PCDHGB5: variants seen among roughly 807,000 people sequenced by gnomAD.
PCDHGB5 encodes protocadherin gamma-B5.
In PCDHGB5, 48 loss-of-function variants were observed where a neutral mutation model predicts 62.9. That is an observed-to-expected ratio of 0.76 (90% confidence interval 0.61 to 0.97). The LOEUF (loss-of-function observed/expected upper bound fraction) is 0.97, where lower values mean the gene tolerates loss of function less well. PCDHGB5 is among the 50% of genes least tolerant of loss of function. The pLI is 0.00. For synonymous variants in PCDHGB5, 474 were observed against 511.2 expected (o/e 0.93, Z 0.98); for missense variants, 1,118 against 1,198.6 (o/e 0.93, Z 0.99).
chr5:141,473,079 A>G (rs1389177835), intron 1 of PCDHGB5, among the ~76,000 whole-genome samples: 2 of 152,086 alleles, frequency 1.3e-5, no homozygotes, highest in African/African-American at 4.8e-5. Flanking sequence ...ATCTTTGTTT[A>G]TTATCCACTG....
At chr5:141,404,360 TC>T (rs780435528) in intron 1 of PCDHGB5, 1 of 1,613,900 alleles carries the variant, frequency 6.2e-7, no homozygotes. Context: ...CAGAGGTACT[TC>T]CATCTTCTCC....
rs760095389 is a variant in PCDHGB5, at chr5:141,486,731, A to G, written c.2398-8076A>G. On this transcript the variant is annotated intron_variant, in intron 1 of 3. Transcript: ENST00000617380. The surrounding 1 kb of genome is among the most constrained non-coding windows in gnomAD (Gnocchi z 5.0). ...CCCCCAGACAGGAGCTGTTCATGCT[A>G]CTCGATCCTTTGACTATGAGCAAAC... The G allele has an allele frequency of 6.2e-7, 1 of 1,614,060 alleles. No individual in the cohort carries two copies. Among genetic ancestry groups the G allele is most frequent in the Non-Finnish European group, 8.5e-7 (1 of 1,180,012 alleles).
At chr5:141,411,161 A>G (rs2095470005) in intron 1 of PCDHGB5, 1 of 152,284 alleles carries the variant, frequency 6.6e-6, no homozygotes, top group Non-Finnish European at 1.5e-5. Context: ...AGTTCTGACT[A>G]TCGAACAGAA....
At chr5:141,436,829 G>C (rs1194891483) in intron 1 of PCDHGB5, among the ~76,000 whole-genome samples, 3 of 152,214 alleles carry the variant, frequency 2.0e-5, no homozygotes, top group African/African-American at 7.2e-5. Flanking sequence ...AAAATCTTAA[G>C]TGCCTAGGCA....
At chr5:141,464,024 G>A (rs2099074308) in intron 1 of PCDHGB5, among the ~76,000 whole-genome samples, 1 of 151,996 alleles carries the variant, frequency 6.6e-6, no homozygotes, top group East Asian at 1.9e-4. Context: ...CCACACTTTG[G>A]GAGGCCAAGG....
At chr5:141,413,080 A>G (rs2095603656) in intron 1 of PCDHGB5, 3 of 1,298,546 alleles carry the variant, frequency 2.3e-6, no homozygotes, top group Non-Finnish European at 3.2e-6. Context: ...TGCCCAGGCT[A>G]CAGAGACACC....
At position 141,432,003 on chromosome 5, in the gene PCDHGB5, T is replaced by A; in HGVS notation, c.2397+31479T>A. On this transcript the variant is annotated intron_variant, in intron 1 of 3. Coordinates refer to ENST00000617380, the MANE Select transcript of PCDHGB5 (RefSeq NM_018925.3). This position sits in a 1 kb window ranked among gnomAD's most constrained non-coding sequence, Gnocchi z 6.0. ...GACATAGTCTTGGATAGGGAACAGG[T>A]TCCTAGCTACAACATCACAGTGACC... The A allele has an allele frequency of 6.2e-7, 1 of 1,614,116 alleles. No individual in the cohort carries two copies.
intron 1 of PCDHGB5, chr5:141,422,865 C>G: frequency 1.2e-6 from 2 of 1,614,244 alleles, no homozygotes; most frequent in Non-Finnish European, 1.7e-6. Context: ...TCAGCAGCAA[C>G]GTGTCGCTGA....
At chr5:141,471,046 CTT>C (rs1170588345) in intron 1 of PCDHGB5, among the ~76,000 whole-genome samples, 2,578 of 113,210 alleles carry the variant, frequency 0.023, 53 homozygotes, top group East Asian at 0.11. Context: ...CCCAAGCCCT[CTT>C]TTTTTTTTTT....
rs1345498022 is a variant in PCDHGB5 at position 141,493,312 on chromosome 5, A to G, written c.2398-1495A>G. On this transcript the variant is annotated intron_variant, in intron 1 of 3. Coordinates refer to ENST00000617380, the MANE Select transcript of PCDHGB5 (RefSeq NM_018925.3). This position sits in a 1 kb window ranked among gnomAD's most constrained non-coding sequence, Gnocchi z 4.3. ...CTCAAGTTCACAGAGCAAGTAAGAG[A>G]GATTCTAACCCCTGTCTAACTCCAG... 6.6e-6 allele frequency among the ~76,000 whole-genome samples: 1 copy of G among 152,174 alleles called. No individual in the cohort carries two copies. Among genetic ancestry groups the G allele is most frequent in the Non-Finnish European group, 1.5e-5 (1 of 68,028 alleles).
Position 141,476,443 on chromosome 5 carries a change from G to A in PCDHGB5, c.2398-18364G>A, listed in dbSNP as rs752285213. 1 of 1,614,044 alleles carries A rather than the reference G, an allele frequency of 6.2e-7. No individual in the cohort carries two copies. The highest frequency in any genetic ancestry group is 8.5e-7 in the Non-Finnish European group (1 of 1,180,038). ...TGCCCTCTTGCACTGTAACTCTGGAGTTGGTAGTGGAGAACCCGCTGGAGC... is the reference window on the plus strand; with the variant it reads ...TGCCCTCTTGCACTGTAACTCTGGAATTGGTAGTGGAGAACCCGCTGGAGC... On this transcript the variant is annotated intron_variant, in intron 1 of 3. Transcript: ENST00000617380. This position sits in a 1 kb window ranked among gnomAD's most constrained non-coding sequence, Gnocchi z 7.6.
At chr5:141,482,667 G>C (rs2099569914) in intron 1 of PCDHGB5, among the ~76,000 whole-genome samples, 1 of 151,094 alleles carries the variant, frequency 6.6e-6, no homozygotes, top group Admixed American at 6.6e-5. Context: ...ATGATCTAAA[G>C]GTTGAGTAGT....
intron 1 of PCDHGB5, among the ~76,000 whole-genome samples, chr5:141,459,324 T>G (rs2098966238): frequency 6.6e-6 from 1 of 152,226 alleles, no homozygotes; most frequent in African/African-American, 2.4e-5. Flanking sequence ...ATCCATCTTC[T>G]TTTACTCCAA....
chr5:141,412,790 A>G lies in PCDHGB5; in HGVS notation c.2397+12266A>G, dbSNP rs557299291. ...ATTTACAATATTTTCACTCCACTTTATCACACCTCCCCTAAGAAACCTACA... is the reference window on the plus strand; with the variant it reads ...ATTTACAATATTTTCACTCCACTTTGTCACACCTCCCCTAAGAAACCTACA... On this transcript the variant is annotated intron_variant, in intron 1 of 3. Coordinates refer to ENST00000617380, the MANE Select transcript of PCDHGB5 (RefSeq NM_018925.3). Among the ~76,000 whole-genome samples the G allele has an allele frequency of 2.0e-5, 3 of 152,370 alleles. No individual in the cohort carries two copies. The South Asian group carries it at 6.2e-4, about 32-fold the overall frequency.
Position 141,511,165 on chromosome 5 carries a change from A to G in PCDHGB5, c.2764A>G (p.Lys922Glu). 1 of 1,614,096 alleles carries G rather than the reference A, an allele frequency of 6.2e-7. No homozygotes were observed. Among genetic ancestry groups the G allele is most frequent in the East Asian group, 2.2e-5 (1 of 44,870 alleles). ...CAAGAAGAAGTCGGGCAAGAAGGAGAAGAAGTAACATGGAGGCCAGGCCAA... is the reference window on the plus strand; with the variant it reads ...CAAGAAGAAGTCGGGCAAGAAGGAGGAGAAGTAACATGGAGGCCAGGCCAA... ...GNKKKSGKKE[K>E]K Residue 922 changes from lysine (K) to glutamate (E), a missense_variant, in exon 4 of 4, where the codon AAG (lysine) becomes GAG (glutamate). Physicochemically the swap from Lys to Glu is moderately conservative, Grantham distance 56. Transcript: ENST00000617380.
intron 1 of PCDHGB5, chr5:141,419,137 CAG>C (rs1561778402): frequency 1.2e-6 from 2 of 1,613,892 alleles, no homozygotes; most frequent in South Asian, 1.1e-5. Context: ...CAGCCACAGA[CAG>C]GGGCAAGCCT....
chr5:141,421,670 T>A, intron 1 of PCDHGB5: 3 of 1,613,892 alleles, frequency 1.9e-6, no homozygotes, highest in Non-Finnish European at 2.5e-6. Flanking sequence ...GAGCACGCAA[T>A]TCCTGGGGCG....
chr5:141,408,096 C>T, intron 1 of PCDHGB5: 5 of 1,434,864 alleles, frequency 3.5e-6, no homozygotes, highest in Non-Finnish European at 4.6e-6. Flanking sequence ...ATTGCCAGCT[C>T]CGAGACCCGG....
At chr5:141,444,531 C>T (rs1021207516) in intron 1 of PCDHGB5, among the ~76,000 whole-genome samples, 2 of 152,100 alleles carry the variant, frequency 1.3e-5, no homozygotes, top group Non-Finnish European at 1.5e-5. Context: ...GAGACAGTGA[C>T]TGTGTCTAGT....
Sources: allele counts gnomAD v4.1 joint callset (sites outside exome capture counted in the v4.1 genomes callset), GRCh38; gene constraint gnomAD v4.1.1; non-coding constraint Gnocchi (gnomAD v3.1); transcripts MANE v1.5; gene names NCBI Gene and HGNC (gene_info 2026-07-23, HGNC 2026-07-21).